Variants in PVT1 observed in about 807,000 individuals in gnomAD.
PVT1 encodes Pvt1 oncogene.
intron 4 of PVT1, among the ~76,000 whole-genome samples, chr8:128,019,790 G>C (rs1817413126): frequency 6.6e-6 from 1 of 152,226 alleles, no homozygotes; most frequent in Non-Finnish European, 1.5e-5. Flanking sequence ...CAGGAGACAG[G>C]AATGGCAGCA....
At chr8:128,015,464 C>T (rs1350478122) in intron 4 of PVT1, among the ~76,000 whole-genome samples, 2 of 152,076 alleles carry the variant, frequency 1.3e-5, no homozygotes, top group Non-Finnish European at 2.9e-5. Context: ...AGCTCAAAGA[C>T]ACCTCTTTCT....
chr8:127,868,465 A>G (rs1324169846), intron 2 of PVT1, among the ~76,000 whole-genome samples: 1 of 151,888 alleles, frequency 6.6e-6, no homozygotes, highest in East Asian at 1.9e-4. Context: ...TTGGCTCACT[A>G]CAACCCCGAC....
chr8:127,968,115 C>T (rs1277814720), intron 3 of PVT1, among the ~76,000 whole-genome samples: 1 of 152,168 alleles, frequency 6.6e-6, no homozygotes, highest in Non-Finnish European at 1.5e-5. Flanking sequence ...ACACAGATTG[C>T]ATAGGGTTTT....
At chr8:128,059,113 G>A (rs918438021) in intron 4 of PVT1, among the ~76,000 whole-genome samples, 1 of 152,136 alleles carries the variant, frequency 6.6e-6, no homozygotes, top group African/African-American at 2.4e-5. Flanking sequence ...ATTTTATCAT[G>A]GATAGAAGCA....
chr8:127,882,680 C>T (rs1266289141), intron 2 of PVT1, among the ~76,000 whole-genome samples: 2 of 152,038 alleles, frequency 1.3e-5, no homozygotes, highest in African/African-American at 2.4e-5. Flanking sequence ...GAGGGGGTTT[C>T]GCCATGTTGG....
At chr8:128,092,028 T>C (rs560121145) in intron 5 of PVT1, among the ~76,000 whole-genome samples, 1 of 152,292 alleles carries the variant, frequency 6.6e-6, no homozygotes, top group African/African-American at 2.4e-5. Context: ...AGCTCTCCCC[T>C]TCTCCCCTGG....
At position 127,917,652 on chromosome 8, in the gene PVT1, CCT is replaced by C. The variant is rs139814006; in HGVS notation, n.782+26657_782+26658del. Reference sequence around the variant, plus strand: ...TGTACATTTAGTTTGCGGTCTCAAACCTCTGTTTCCTGGAGCTGCAGGCTGTA... The same window carrying C: ...TGTACATTTAGTTTGCGGTCTCAAACCTGTTTCCTGGAGCTGCAGGCTGTA... On this transcript the variant is annotated intron_variant and non_coding_transcript_variant, in intron 3 of 10. Transcript: ENST00000651587. Among the ~76,000 whole-genome samples the C allele has an allele frequency of 5.8e-3, 885 of 152,364 alleles. 17 individuals are homozygous for C. Among genetic ancestry groups the C allele is most frequent in the African/African-American group, 0.02 (843 of 41,590 alleles).
At chr8:128,088,842 T>C (rs1814311463) in intron 5 of PVT1, among the ~76,000 whole-genome samples, 1 of 152,228 alleles carries the variant, frequency 6.6e-6, no homozygotes, top group South Asian at 2.1e-4. Context: ...ATTTTGCTAG[T>C]TGTGTAGACC....
intron 4 of PVT1, among the ~76,000 whole-genome samples, chr8:128,000,051 G>A (rs909371843): frequency 6.6e-6 from 1 of 152,168 alleles, no homozygotes; most frequent in Non-Finnish European, 1.5e-5. Flanking sequence ...GCCCTTGCTG[G>A]TTTCTGGACT....
At chr8:128,057,097 C>G (rs1813770958) in intron 4 of PVT1, among the ~76,000 whole-genome samples, 2 of 152,280 alleles carry the variant, frequency 1.3e-5, no homozygotes, top group South Asian at 2.1e-4. Context: ...ATAACCAGAC[C>G]ACCCTGAGCT....
intron 2 of PVT1, among the ~76,000 whole-genome samples, chr8:127,819,850 C>T (rs780278005): frequency 6.6e-6 from 1 of 152,196 alleles, no homozygotes; most frequent in Non-Finnish European, 1.5e-5. Context: ...TCATCATTAA[C>T]CTCTAAGAAA....
chr8:127,884,568 A>G (rs1349889348), intron 2 of PVT1, among the ~76,000 whole-genome samples: 3 of 152,234 alleles, frequency 2.0e-5, no homozygotes, highest in African/African-American at 4.8e-5. Flanking sequence ...GTGGTTGTTT[A>G]TCCTTTTTCA....
At chr8:128,033,559 C>T (rs185725883) in intron 4 of PVT1, among the ~76,000 whole-genome samples, 41 of 152,264 alleles carry the variant, frequency 2.7e-4, no homozygotes, top group East Asian at 1.7e-3. Flanking sequence ...GAGGATTTTT[C>T]GTAAAATCTT....
At chr8:128,056,164 A>C (rs114834873) in intron 4 of PVT1, among the ~76,000 whole-genome samples, 1 of 152,176 alleles carries the variant, frequency 6.6e-6, no homozygotes, top group Non-Finnish European at 1.5e-5. Flanking sequence ...CTGACTAGCT[A>C]TGGGACCTTA....
intron 2 of PVT1, among the ~76,000 whole-genome samples, chr8:127,839,860 C>T (rs112744103): frequency 3.7e-4 from 56 of 152,242 alleles, no homozygotes; most frequent in African/African-American, 1.2e-3. Context: ...GGTACCCAGC[C>T]GCTGCCATGT....
At chr8:128,075,149 T>C (rs1057226406) in intron 5 of PVT1, among the ~76,000 whole-genome samples, 4 of 152,136 alleles carry the variant, frequency 2.6e-5, no homozygotes, top group Non-Finnish European at 5.9e-5. Context: ...TTTTTCAAGA[T>C]GGCAGGCCTT....
intron 5 of PVT1, among the ~76,000 whole-genome samples, chr8:128,084,704 G>A (rs1814234858): frequency 6.6e-6 from 1 of 152,194 alleles, no homozygotes; most frequent in African/African-American, 2.4e-5. Context: ...TAAGCCTGAT[G>A]TTTCTTATGA....
chr8:127,926,104 G>T (rs761675178), intron 3 of PVT1, among the ~76,000 whole-genome samples: 1 of 152,258 alleles, frequency 6.6e-6, no homozygotes, highest in South Asian at 2.1e-4. Context: ...TCCAGTCATG[G>T]TCTCTGGCCG....
At chr8:127,876,929 T>G (rs1815411825) in intron 2 of PVT1, among the ~76,000 whole-genome samples, 1 of 152,116 alleles carries the variant, frequency 6.6e-6, no homozygotes, top group South Asian at 2.1e-4. Flanking sequence ...GTGACTTGAG[T>G]AGAGACCTGC....
Sources: allele counts gnomAD v4.1 joint callset (sites outside exome capture counted in the v4.1 genomes callset), GRCh38; gene constraint gnomAD v4.1.1; transcripts MANE v1.5; gene names NCBI Gene and HGNC (gene_info 2026-07-23, HGNC 2026-07-21).